The following ITPR3 variants were observed in gnomAD, a reference collection of about 807,000 sequenced individuals.
The protein encoded by ITPR3 is inositol 1,4,5-trisphosphate receptor type 3.
ITPR3 carries 173 observed loss-of-function variants against 293.2 expected under a neutral mutation model. That is an observed-to-expected ratio of 0.59 (90% CI 0.52 to 0.67). ITPR3 has a LOEUF of 0.67. Among genes scored for constraint, ITPR3 ranks in the 30% least tolerant of loss-of-function variants. The pLI is 0.00. For missense variants in ITPR3, 2,796 were observed against 3,592.1 expected, an observed-to-expected ratio of 0.78 and a Z score of 5.66; for synonymous variants, 1,295 against 1,444.4, an observed-to-expected ratio of 0.90 and a Z score of 2.35.
Position 33,673,624 on chromosome 6 carries a change from TC to T in ITPR3, c.2964del (p.Tyr989ThrfsTer35). On this transcript the variant is annotated frameshift_variant, in exon 23 of 58. Transcript: ENST00000605930. LOFTEE classifies it high-confidence loss of function. The part of the protein sequence containing the change: ...ILNVRLDYRI[S>X]YLLSVFKKEF... Reference sequence around the variant, plus strand: ...CAATGTCCGCCTGGATTACCGCATATCCTACCTGCTGTCTGTCTTCAAGAAG... The same window carrying T: ...CAATGTCCGCCTGGATTACCGCATATCTACCTGCTGTCTGTCTTCAAGAAG... 1 of 1,614,178 alleles carries T rather than the reference TC, an allele frequency of 6.2e-7. No homozygotes were observed. The highest frequency in any genetic ancestry group is 8.5e-7 in the Non-Finnish European group (1 of 1,180,018).
chr6:33,684,779 GACCCAGACTGGTCGGCAATCGCAGCC>G lies in ITPR3; in HGVS notation c.5150_5175del (p.Asp1717ValfsTer54). ...CAACCGAGTCCCGCCTCCAGGCCTG[GACCCAGACTGGTCGGCAATCGCAGCC>G]ACCCAGTGCCGGCTGGACAAGGAGG... On this transcript the variant is annotated frameshift_variant, in exon 39 of 58. Transcript: ENST00000605930. LOFTEE classifies it high-confidence loss of function. The surrounding 1 kb of genome is among the most constrained non-coding windows in gnomAD (Gnocchi z 4.2). 6.2e-7 allele frequency: 1 copy of G among 1,611,818 alleles called. No individual in the cohort carries two copies. Among genetic ancestry groups the G allele is most frequent in the African/African-American group, 1.3e-5 (1 of 75,038 alleles).
rs545396855 is a variant in ITPR3 at position 33,677,676 on chromosome 6, G to C, written c.3648+47G>C. On this transcript the variant is annotated intron_variant, in intron 28 of 57. Transcript: ENST00000605930. ...TGACTCCCCAGGGTGGCTTCCCCCT[G>C]AACCCCGGCCTGACCTGTATGCTAG... 2.0e-5 allele frequency: 32 copies of C among 1,602,620 alleles called. 1 individual carries two copies. The South Asian group carries it at 3.5e-4, about 17-fold the overall frequency.
intron 55 of ITPR3, among the ~76,000 whole-genome samples, chr6:33,693,094 C>T (rs182920316): frequency 1.4e-4 from 21 of 152,320 alleles, no homozygotes; most frequent in Admixed American, 5.2e-4. Flanking sequence ...ACAGGCCCAT[C>T]CCTGTAAACC....
intron 13 of ITPR3, among the ~76,000 whole-genome samples, chr6:33,665,550 C>T (rs1764588178): frequency 6.6e-6 from 1 of 151,874 alleles, no homozygotes; most frequent in Admixed American, 6.6e-5. Flanking sequence ...CCCTTCACAC[C>T]AGACTCCCCG....
chr6:33,671,124 C>G, intron 20 of ITPR3, 41 bp from the exon 21 acceptor site: 1 of 1,609,584 alleles, frequency 6.2e-7, no homozygotes, highest in African/African-American at 1.3e-5. Context: ...CCCCTACGCG[C>G]CGGCCCCTCC....
chr6:33,663,730 T>C lies in ITPR3; in HGVS notation c.1006-8T>C, dbSNP rs1158180810. On this transcript the variant is annotated splice_region_variant and splice_polypyrimidine_tract_variant and intron_variant, in intron 10 of 57. Transcript: ENST00000605930. The stretch of plus-strand genomic sequence containing the variant: ...GGGCCTTCTACCTGATTTGGGGTCC[T>C]CATCCAGGGGGCACAGGGCCGCACA... The C allele has an allele frequency of 2.5e-6, 4 of 1,613,382 alleles. No individual in the cohort carries two copies. Among genetic ancestry groups the C allele is most frequent in the Non-Finnish European group, 3.4e-6 (4 of 1,179,870 alleles).
At position 33,646,674 on chromosome 6, in the gene ITPR3, T is replaced by C. The variant is rs147284707; in HGVS notation, c.160+6120T>C. Among the ~76,000 whole-genome samples, 204 of 152,164 alleles carry C rather than the reference T, an allele frequency of 1.3e-3. 1 individual carries two copies. Among genetic ancestry groups the C allele is most frequent in the African/African-American group, 4.6e-3 (191 of 41,528 alleles). ...GGCTCATGCCTGTAATCCCAGCAGT[T>C]TGGGACACCCAGGTAGGTGGATTGC... On this transcript the variant is annotated intron_variant, in intron 2 of 57. Transcript: ENST00000605930.
rs1461620088 is a variant in ITPR3, at chr6:33,667,019, C to T, written c.1552-110C>T. 25 of 1,299,916 alleles carry T rather than the reference C, an allele frequency of 1.9e-5. No homozygotes were observed. The highest frequency in any genetic ancestry group is 5.9e-5 in the African/African-American group (4 of 67,276). The allele number at this position is 1,299,916 out of a possible 1,614,324, so 80.5% of individuals were successfully genotyped here. ...TTAGAATCAGCTCGAAGCTGATGTCCGGGCTGGCTTTAGGGCAGAGTCAGT... is the reference window on the plus strand; with the variant it reads ...TTAGAATCAGCTCGAAGCTGATGTCTGGGCTGGCTTTAGGGCAGAGTCAGT... On this transcript the variant is annotated intron_variant, in intron 14 of 57. Transcript: ENST00000605930. This position sits in a 1 kb window ranked among gnomAD's most constrained non-coding sequence, Gnocchi z 4.4.
At chr6:33,689,990 T>G (rs772246071) in intron 50 of ITPR3, 44 bp from the exon 51 acceptor site, 14 of 1,609,844 alleles carry the variant, frequency 8.7e-6, no homozygotes, top group Non-Finnish European at 1.1e-5. Flanking sequence ...AGATTCAGCA[T>G]AGGTGGTAGG....
intron 7 of ITPR3, among the ~76,000 whole-genome samples, chr6:33,660,262 G>A (rs1228715115): frequency 6.6e-6 from 1 of 152,096 alleles, no homozygotes; most frequent in East Asian, 1.9e-4. Flanking sequence ...CCAGCTAGGG[G>A]AGCAGGCAGG....
chr6:33,662,449 C>T, intron 7 of ITPR3, 79 bp from the exon 8 acceptor site: 1 of 1,480,540 alleles, frequency 6.8e-7, no homozygotes, highest in Non-Finnish European at 9.0e-7. Flanking sequence ...CTGTCTGAGG[C>T]AGGTGGGGCT....
Position 33,665,952 on chromosome 6 carries a change from G to T in ITPR3, c.1527G>T (p.Met509Ile). 2 of 1,612,356 alleles carry T rather than the reference G, an allele frequency of 1.2e-6. No homozygotes were observed. The highest frequency in any genetic ancestry group is 1.7e-6 in the Non-Finnish European group (2 of 1,179,134). Residue 509 changes from methionine (M) to isoleucine (I), a missense_variant, in exon 14 of 58, where the codon ATG becomes ATT. Physicochemically the swap from Met to Ile is conservative, Grantham distance 10. Coordinates refer to ENST00000605930, the MANE Select transcript of ITPR3 (RefSeq NM_002224.4). ...TKPNRERQKL[M>I]REQNILKQVF... Reference sequence around the variant, plus strand: ...CCAACCGGGAACGGCAGAAGCTGATGAGGGAGCAGAACATCCTCAAACAGG... The same window carrying T: ...CCAACCGGGAACGGCAGAAGCTGATTAGGGAGCAGAACATCCTCAAACAGG...
At position 33,695,698 on chromosome 6, in the gene ITPR3, C is replaced by T; in HGVS notation, c.7948-14C>T. On this transcript the variant is annotated splice_polypyrimidine_tract_variant and intron_variant, in intron 57 of 57. Coordinates refer to ENST00000605930, the MANE Select transcript of ITPR3 (RefSeq NM_002224.4). ...GCGGCCTGACCAGGCCTGTTGGCAT[C>T]TGCTTAACCCTAGATGACGGAGCAG... 6.2e-7 allele frequency: 1 copy of T among 1,613,992 alleles called. No individual in the cohort carries two copies. The highest frequency in any genetic ancestry group is 8.5e-7 in the Non-Finnish European group (1 of 1,179,944).
chr6:33,659,568 T>C lies in ITPR3; in HGVS notation c.711+19T>C. On this transcript the variant is annotated intron_variant, in intron 7 of 57. Transcript: ENST00000605930. The stretch of plus-strand genomic sequence containing the variant: ...GAAAGGGGTAAGGACTGGGAACCCC[T>C]GCCCTGCCCAGCTGGCCACCTAGCC... 6.2e-7 allele frequency: 1 copy of C among 1,606,494 alleles called. No individual in the cohort carries two copies. The highest frequency in any genetic ancestry group is 8.5e-7 in the Non-Finnish European group (1 of 1,173,334).
In ITPR3 at chr6:33,667,200, G is replaced by A. The variant is rs375150520; in HGVS notation, c.1623G>A (p.Leu541=). The change falls in exon 15 of 58, where the codon CTG becomes CTA. Residue 541 remains leucine, a synonymous_variant. Transcript: ENST00000605930. The surrounding 1 kb of genome is among the most constrained non-coding windows in gnomAD (Gnocchi z 4.4). ...GEGPLVRLEE[L]SDQKNAPYQH... is the part of the protein sequence containing the mutation. ...GTCCCCTGGTGCGGCTGGAGGAGCTGTCAGACCAGAAGAACGCCCCCTACC... is the reference window on the plus strand; with the variant it reads ...GTCCCCTGGTGCGGCTGGAGGAGCTATCAGACCAGAAGAACGCCCCCTACC... 6.2e-7 allele frequency: 1 copy of A among 1,614,044 alleles called. No homozygotes were observed. The highest frequency in any genetic ancestry group is 8.5e-7 in the Non-Finnish European group (1 of 1,180,014).
rs763605595 is a variant in ITPR3 at position 33,659,074 on chromosome 6, G to A, written c.582G>A (p.Leu194=). The part of the protein sequence containing the change: ...ILNPVNAGQP[L]HASNYELSDN... Reference sequence around the variant, plus strand: ...ATCCTGTCAATGCCGGGCAGCCTCTGCATGCCAGCAATTACGAGCTCAGCG... The same window carrying A: ...ATCCTGTCAATGCCGGGCAGCCTCTACATGCCAGCAATTACGAGCTCAGCG... The change falls in exon 6 of 58, where the codon CTG becomes CTA. Residue 194 remains leucine, a synonymous_variant. Transcript: ENST00000605930. The A allele has an allele frequency of 3.1e-6, 5 of 1,613,986 alleles. No individual in the cohort carries two copies. The South Asian group carries it at 5.5e-5, about 18-fold the overall frequency.
Position 33,683,921 on chromosome 6 carries a change from G to A in ITPR3, c.4789-99G>A. The A allele has an allele frequency of 2.2e-6, 3 of 1,357,826 alleles. No homozygotes were observed. The highest frequency in any genetic ancestry group is 3.0e-6 in the Non-Finnish European group (3 of 994,036). 84.1% of individuals were successfully genotyped at this position (1,357,826 alleles called of 1,614,324 possible). ...GTGTGGGCCCCTCAGACAGAGGCAG[G>A]GCAATCTGTGGGGCTGTTTGGCGTT... On this transcript the variant is annotated intron_variant, in intron 35 of 57. Coordinates refer to ENST00000605930, the MANE Select transcript of ITPR3 (RefSeq NM_002224.4). This position sits in a 1 kb window ranked among gnomAD's most constrained non-coding sequence, Gnocchi z 4.5.
At chr6:33,689,459 T>G (rs745815260) in intron 50 of ITPR3, 49 bp downstream of exon 50, 5 of 1,589,950 alleles carry the variant, frequency 3.1e-6, no homozygotes, top group Non-Finnish European at 3.4e-6. Flanking sequence ...ATGCTCACTG[T>G]GCATTCAGAC....
intron 50 of ITPR3, 45 bp from the exon 51 acceptor site, chr6:33,689,989 A>G (rs367983927): frequency 1.5e-4 from 241 of 1,611,102 alleles, no homozygotes; most frequent in Non-Finnish European, 2.0e-4. Flanking sequence ...CAGATTCAGC[A>G]TAGGTGGTAG....
Sources: gnomAD v4.1 joint callset for allele counts (sites outside exome capture counted in the v4.1 genomes callset) on GRCh38, gnomAD v4.1.1 for gene constraint, Gnocchi (gnomAD v3.1) non-coding constraint, MANE v1.5 for transcripts, NCBI Gene and HGNC (gene_info 2026-07-23, HGNC 2026-07-21) for gene names.